The following WNT11 variants were observed in gnomAD, a reference collection of about 807,000 sequenced individuals.
WNT11 encodes Wnt family member 11.
Under a neutral mutation model 35.6 loss-of-function variants are expected in WNT11, and 20 were observed. That is an observed-to-expected ratio of 0.56 (90% CI 0.40 to 0.82). The LOEUF is 0.82. Ranked by LOEUF, WNT11 falls within the 40% of genes least tolerant of loss-of-function variation. WNT11 has a pLI of 0.00. For missense variants in WNT11, 459 were observed against 504.4 expected, an observed-to-expected ratio of 0.91 and a Z score of 0.86; for synonymous variants, 200 against 211.9, an observed-to-expected ratio of 0.94 and a Z score of 0.49.
Position 76,206,453 on chromosome 11 carries a change from G to A in WNT11, c.-46C>T. ...CGGGGTCACACCCAGGAGGAGCCGC[G>A]CCGAAGTCCTCCGCCTGCACGGCCG... On this transcript the variant is annotated 5_prime_UTR_variant, in exon 1 of 5. Transcript: ENST00000322563. 2.2e-6 allele frequency: 3 copies of A among 1,379,936 alleles called. No individual in the cohort carries two copies. Among genetic ancestry groups the A allele is most frequent in the Non-Finnish European group, 2.8e-6 (3 of 1,067,334 alleles). The allele number at this position is 1,379,936 out of a possible 1,614,324, so 85.5% of individuals were successfully genotyped here. A position where few individuals can be genotyped will look rare whatever the true frequency, so the allele number is the denominator to read the frequency against.
At chr11:76,205,310 T>A (rs973489584) in intron 1 of WNT11, among the ~76,000 whole-genome samples, 1 of 140,394 alleles carries the variant, frequency 7.1e-6, no homozygotes, top group Non-Finnish European at 1.6e-5. Context: ...CCCCCTGCTG[T>A]CTTATCTGCA....
chr11:76,189,013 A>G (rs865822075), intron 4 of WNT11, among the ~76,000 whole-genome samples: 45 of 152,166 alleles, frequency 3.0e-4, no homozygotes, highest in African/African-American at 1.1e-3. Context: ...TCAGCCGGTG[A>G]CCAGCAAGTG....
At chr11:76,188,938 G>T (rs553721251) in intron 4 of WNT11, among the ~76,000 whole-genome samples, 1 of 152,240 alleles carries the variant, frequency 6.6e-6, no homozygotes, top group Admixed American at 6.5e-5. Flanking sequence ...GATCAGTGCT[G>T]GGGGAGAGGC....
At chr11:76,193,700 T>C (rs1009698606) in intron 3 of WNT11, among the ~76,000 whole-genome samples, 4 of 152,210 alleles carry the variant, frequency 2.6e-5, no homozygotes, top group African/African-American at 9.6e-5. Flanking sequence ...CTGGGCTCTA[T>C]TGTGCCGTGG....
chr11:76,199,867 G>C (rs1408226216), intron 1 of WNT11, among the ~76,000 whole-genome samples: 1 of 152,164 alleles, frequency 6.6e-6, no homozygotes, highest in African/African-American at 2.4e-5. Context: ...TATTGGACCA[G>C]ACGGAGTGAG....
intron 2 of WNT11, among the ~76,000 whole-genome samples, chr11:76,195,647 G>A (rs963753970): frequency 3.9e-5 from 6 of 152,200 alleles, no homozygotes; most frequent in African/African-American, 1.4e-4. Flanking sequence ...GCAGCCCTGG[G>A]AAACGAATAC....
At chr11:76,189,518 T>C (rs1432964050) in intron 4 of WNT11, among the ~76,000 whole-genome samples, 1 of 152,176 alleles carries the variant, frequency 6.6e-6, no homozygotes, top group Non-Finnish European at 1.5e-5. Context: ...CAGGTTAGAT[T>C]TGAGGAGGCT....
At chr11:76,192,093 T>C (rs1034374024) in intron 3 of WNT11, among the ~76,000 whole-genome samples, 3 of 152,178 alleles carry the variant, frequency 2.0e-5, no homozygotes, top group Non-Finnish European at 4.4e-5. Flanking sequence ...GATGCCATTG[T>C]TTAGCACCTG....
upstream of WNT11, among the ~76,000 whole-genome samples, chr11:76,207,277 C>T (rs1189378323): frequency 1.3e-5 from 2 of 152,182 alleles, no homozygotes; most frequent in African/African-American, 2.4e-5. Flanking sequence ...GCAGGAGAAC[C>T]GCTTGAACCC....
chr11:76,186,851 G>C lies in WNT11; in HGVS notation c.*214C>G. On this transcript the variant is annotated 3_prime_UTR_variant, in exon 5 of 5. Transcript: ENST00000322563. ...AGGCTGCCAAGTTATTTTTAATCTT[G>C]TCGGTTTCCTTTGATGTCCTGCCCT... is the stretch of plus-strand genomic sequence containing the variant. The C allele has an allele frequency of 2.7e-6, 2 of 736,766 alleles. No homozygotes were observed. Among genetic ancestry groups the C allele is most frequent in the Non-Finnish European group, 2.4e-6 (1 of 423,176 alleles). 45.6% of individuals were successfully genotyped at this position (736,766 alleles called of 1,614,324 possible).
chr11:76,202,596 C>A (rs937735838), intron 1 of WNT11, among the ~76,000 whole-genome samples: 6 of 152,176 alleles, frequency 3.9e-5, no homozygotes, highest in African/African-American at 1.4e-4. Flanking sequence ...GGAAGCTCTC[C>A]CTCCACGACT....
chr11:76,190,430 A>G (rs1953165913), intron 4 of WNT11, among the ~76,000 whole-genome samples: 1 of 151,670 alleles, frequency 6.6e-6, no homozygotes, highest in African/African-American at 2.4e-5. Flanking sequence ...GACCCCCTCA[A>G]TCTGGCCTCC....
Position 76,203,705 on chromosome 11 carries a change from C to A in WNT11, c.83+2620G>T, listed in dbSNP as rs147373443. On this transcript the variant is annotated intron_variant, in intron 1 of 4. Coordinates refer to ENST00000322563, the MANE Select transcript of WNT11 (RefSeq NM_004626.3). ...CCACCAGCTCAGCCTGCGTCCCAGG[C>A]ACCCACCAGGTGAGCATTCCAGGCC... 1.6e-3 allele frequency among the ~76,000 whole-genome samples: 240 copies of A among 152,366 alleles called. 1 individual carries two copies. Among genetic ancestry groups the A allele is most frequent in the African/African-American group, 5.6e-3 (231 of 41,588 alleles).
chr11:76,208,005 G>A (rs1264835180), upstream of WNT11, among the ~76,000 whole-genome samples: 1 of 152,214 alleles, frequency 6.6e-6, no homozygotes, highest in Non-Finnish European at 1.5e-5. Flanking sequence ...AGGCGCCCAC[G>A]GTAGTGGGGG....
upstream of WNT11, among the ~76,000 whole-genome samples, chr11:76,209,892 C>T (rs12421742): frequency 0.27 from 40,342 of 151,398 alleles, 5,637 homozygotes; most frequent in East Asian, 0.4. Context: ...GGACTTTCCT[C>T]CTCCCTAGCC....
chr11:76,206,584 G>A (rs576309843), upstream of WNT11: 5 of 1,193,092 alleles, frequency 4.2e-6, no homozygotes, highest in East Asian at 1.8e-4. Context: ...GGAGGGGTCG[G>A]GGCCCGGGGA....
chr11:76,207,347 G>C (rs1465775512), upstream of WNT11, among the ~76,000 whole-genome samples: 1 of 152,208 alleles, frequency 6.6e-6, no homozygotes, highest in African/African-American at 2.4e-5. Flanking sequence ...TGGGCGACAA[G>C]AGCGAAACTC....
chr11:76,202,056 C>T (rs1228409372), intron 1 of WNT11, among the ~76,000 whole-genome samples: 1 of 152,172 alleles, frequency 6.6e-6, no homozygotes, highest in Admixed American at 6.5e-5. Context: ...CCCAAGTTCC[C>T]TCTCTGCAGT....
chr11:76,207,547 G>C (rs1331928202), upstream of WNT11, among the ~76,000 whole-genome samples: 1 of 152,072 alleles, frequency 6.6e-6, no homozygotes, highest in Non-Finnish European at 1.5e-5. Flanking sequence ...GCTTGCTCGG[G>C]GCCCTGCTTT....
Sources: gnomAD v4.1 joint callset for allele counts (sites outside exome capture counted in the v4.1 genomes callset) on GRCh38, gnomAD v4.1.1 for gene constraint, MANE v1.5 for transcripts, NCBI Gene and HGNC (gene_info 2026-07-23, HGNC 2026-07-21) for gene names.